CLSTN2: variants seen among roughly 807,000 people sequenced by gnomAD.
CLSTN2 encodes calsyntenin 2, also known as calsyntenin-2.
A neutral mutation model predicts 101.2 loss-of-function variants in CLSTN2; 48 were observed. That is an observed-to-expected ratio of 0.47 (90% confidence interval 0.38 to 0.60). The LOEUF is 0.60. CLSTN2 is among the 20% of genes least tolerant of loss of function. The pLI is 0.00. For missense variants in CLSTN2, 1,160 were observed against 1,238.2 expected (o/e 0.94, Z 0.95); for synonymous variants, 481 against 463.6 (o/e 1.04, Z -0.48).
chr3:140,084,233 C>G (rs993052124), intron 1 of CLSTN2, among the ~76,000 whole-genome samples: 1 of 152,202 alleles, frequency 6.6e-6, no homozygotes, highest in African/African-American at 2.4e-5. Context: ...TGCAACATCA[C>G]TACCCTGTGG....
intron 2 of CLSTN2, among the ~76,000 whole-genome samples, chr3:140,210,125 A>G (rs1179737189): frequency 6.6e-6 from 1 of 152,196 alleles, no homozygotes; most frequent in African/African-American, 2.4e-5. Context: ...GCATCATGTC[A>G]TCTGTGTGAT....
At chr3:140,203,129 A>G (rs960018011) in intron 2 of CLSTN2, among the ~76,000 whole-genome samples, 8 of 152,176 alleles carry the variant, frequency 5.3e-5, no homozygotes, top group African/African-American at 1.9e-4. Flanking sequence ...TATTATTTTA[A>G]GCCACTGAGA....
At chr3:140,140,638 C>A (rs1301802246) in intron 1 of CLSTN2, among the ~76,000 whole-genome samples, 1 of 152,186 alleles carries the variant, frequency 6.6e-6, no homozygotes, top group Non-Finnish European at 1.5e-5. Context: ...TACCTCTAAT[C>A]TCCAAAAACT....
chr3:140,522,622 C>T (rs1935054645), intron 8 of CLSTN2, among the ~76,000 whole-genome samples: 3 of 152,222 alleles, frequency 2.0e-5, no homozygotes, highest in Non-Finnish European at 4.4e-5. Flanking sequence ...CTGTAGCATG[C>T]TAGTCCGCTA....
At chr3:140,312,159 C>T (rs2087175425) in intron 2 of CLSTN2, among the ~76,000 whole-genome samples, 1 of 152,210 alleles carries the variant, frequency 6.6e-6, no homozygotes, top group Non-Finnish European at 1.5e-5. Context: ...AAGGTCTTCT[C>T]CCAGTAGCTG....
chr3:140,131,088 A>T (rs936171393), intron 1 of CLSTN2, among the ~76,000 whole-genome samples: 4 of 151,976 alleles, frequency 2.6e-5, no homozygotes, highest in South Asian at 2.1e-4. Flanking sequence ...CTTTCTTGTC[A>T]TACTTCCATT....
At chr3:140,199,549 G>A (rs2010691888) in intron 2 of CLSTN2, among the ~76,000 whole-genome samples, 1 of 152,166 alleles carries the variant, frequency 6.6e-6, no homozygotes, top group East Asian at 1.9e-4. Flanking sequence ...AATCATCAGG[G>A]GTGCTTATCA....
intron 2 of CLSTN2, among the ~76,000 whole-genome samples, chr3:140,357,359 A>G (rs1576530600): frequency 6.6e-6 from 1 of 151,960 alleles, no homozygotes; most frequent in African/African-American, 2.4e-5. Flanking sequence ...AGATGAACTC[A>G]CCCTGCATTT....
At chr3:140,495,327 C>T (rs557404389) in intron 8 of CLSTN2, among the ~76,000 whole-genome samples, 6 of 151,722 alleles carry the variant, frequency 4.0e-5, no homozygotes, top group South Asian at 2.1e-4. Flanking sequence ...TTTCCTTGTA[C>T]ATTTGTTTAA....
intron 1 of CLSTN2, among the ~76,000 whole-genome samples, chr3:139,983,334 A>G (rs1314098804): frequency 6.6e-6 from 1 of 152,200 alleles, no homozygotes; most frequent in Non-Finnish European, 1.5e-5. Flanking sequence ...TAATCTAACC[A>G]CATTAAAATC....
chr3:140,227,002 CA>C (rs1369504648), intron 2 of CLSTN2, among the ~76,000 whole-genome samples: 1 of 152,144 alleles, frequency 6.6e-6, no homozygotes, highest in South Asian at 2.1e-4. Flanking sequence ...GGTGGGGACA[CA>C]ACCAAACCAT....
intron 2 of CLSTN2, among the ~76,000 whole-genome samples, chr3:140,288,905 A>G (rs1201549987): frequency 6.6e-6 from 1 of 151,826 alleles, no homozygotes; most frequent in African/African-American, 2.4e-5. Flanking sequence ...CCCACCTCCC[A>G]GTTGCCTCTT....
At chr3:140,563,016 G>T in intron 14 of CLSTN2, 60 bp downstream of exon 14, 2 of 1,611,802 alleles carry the variant, frequency 1.2e-6, no homozygotes, top group Non-Finnish European at 1.7e-6. Flanking sequence ...CATTCATTCA[G>T]AAATGCTGTA....
At chr3:140,393,817 G>T (rs1376793944) in intron 2 of CLSTN2, among the ~76,000 whole-genome samples, 1 of 152,140 alleles carries the variant, frequency 6.6e-6, no homozygotes, top group Non-Finnish European at 1.5e-5. Flanking sequence ...TTGTAACTGG[G>T]TCCAGGGCAG....
intron 8 of CLSTN2, among the ~76,000 whole-genome samples, chr3:140,467,446 C>A (rs549913041): frequency 3.3e-5 from 5 of 152,098 alleles, no homozygotes; most frequent in Non-Finnish European, 5.9e-5. Context: ...AGGGACCAGG[C>A]GCTAATTGTT....
intron 1 of CLSTN2, among the ~76,000 whole-genome samples, chr3:140,107,113 G>A (rs1236520197): frequency 1.3e-5 from 2 of 152,176 alleles, no homozygotes; most frequent in African/African-American, 4.8e-5. Flanking sequence ...GACATGAATG[G>A]ACTAGAGGGC....
chr3:140,242,949 G>A (rs2086483528), intron 2 of CLSTN2, among the ~76,000 whole-genome samples: 1 of 152,210 alleles, frequency 6.6e-6, no homozygotes, highest in Non-Finnish European at 1.5e-5. Context: ...CACTTCCTAT[G>A]TGTTCACTTT....
intron 1 of CLSTN2, among the ~76,000 whole-genome samples, chr3:139,957,003 G>GT (rs1393597931): frequency 2.0e-5 from 3 of 152,276 alleles, no homozygotes; most frequent in South Asian, 2.1e-4. Context: ...TGAAAGACAG[G>GT]TTTTTTGCCC....
intron 1 of CLSTN2, among the ~76,000 whole-genome samples, chr3:140,030,137 A>T (rs2107759409): frequency 6.6e-6 from 1 of 152,308 alleles, no homozygotes; most frequent in East Asian, 1.9e-4. Context: ...CAGCAACAGG[A>T]CCACAGAGAA....
Sources: allele counts gnomAD v4.1 joint callset (sites outside exome capture counted in the v4.1 genomes callset), GRCh38; gene constraint gnomAD v4.1.1; transcripts MANE v1.5; gene names NCBI Gene and HGNC (gene_info 2026-07-23, HGNC 2026-07-21).